TPO: variants seen among roughly 807,000 people sequenced by gnomAD.
The protein encoded by TPO is thyroid microsomal antigen.
Under a neutral mutation model 96.9 loss-of-function variants are expected in TPO, and 78 were observed. The observed-to-expected ratio is 0.81, with a 90% CI of 0.67 to 0.97. The LOEUF is 0.97. TPO is among the 50% of genes least tolerant of loss of function. The probability of loss-of-function intolerance (pLI) is 0.00; values close to 1 mark genes in which losing one functional copy is unlikely to be tolerated. For missense variants in TPO, 1,252 were observed against 1,274.8 expected (o/e 0.98, Z 0.27); for synonymous variants, 547 against 538.0 (o/e 1.02, Z -0.23).
intron 2 of TPO, among the ~76,000 whole-genome samples, chr2:1,421,707 A>C (rs1218294005): frequency 6.6e-6 from 1 of 152,244 alleles, no homozygotes; most frequent in African/African-American, 2.4e-5. Flanking sequence ...TTGTGGGAAC[A>C]GGAGGTTCCC....
chr2:1,458,950 C>A (rs549810599), intron 7 of TPO, among the ~76,000 whole-genome samples: 1 of 151,936 alleles, frequency 6.6e-6, no homozygotes, highest in Middle Eastern at 3.2e-3. Context: ...AATCTTTGTG[C>A]CCATGTGCAC....
At chr2:1,476,404 A>G (rs2138018) in intron 7 of TPO, among the ~76,000 whole-genome samples, 100,324 of 152,034 alleles carry the variant, frequency 0.66, 33,771 homozygotes, top group African/African-American at 0.8. Flanking sequence ...TGGAAAAAAT[A>G]TTTTAGATCT....
chr2:1,465,014 A>C (rs1264838679), intron 7 of TPO, among the ~76,000 whole-genome samples: 1 of 152,190 alleles, frequency 6.6e-6, no homozygotes, highest in Admixed American at 6.5e-5. Context: ...GTTATCTTCT[A>C]GAGTTTTTAT....
At chr2:1,399,776 C>G (rs1174756642) in intron 1 of TPO, among the ~76,000 whole-genome samples, 1 of 152,216 alleles carries the variant, frequency 6.6e-6, no homozygotes, top group East Asian at 1.9e-4. Flanking sequence ...ATGAATTTCT[C>G]TGAAGGACAC....
At chr2:1,480,909 C>T (rs1240418041) in intron 8 of TPO, among the ~76,000 whole-genome samples, 1 of 132,960 alleles carries the variant, frequency 7.5e-6, no homozygotes, top group Non-Finnish European at 1.7e-5. Context: ...GATCTTGGCT[C>T]CTCTAATTTC....
At chr2:1,469,395 G>C (rs999768634) in intron 7 of TPO, among the ~76,000 whole-genome samples, 1 of 152,184 alleles carries the variant, frequency 6.6e-6, no homozygotes, top group Admixed American at 6.5e-5. Context: ...GCCCCAGGGG[G>C]TGTTCCCTGG....
intron 16 of TPO, chr2:1,541,049 CCT>C: frequency 7.8e-7 from 1 of 1,284,898 alleles, no homozygotes; most frequent in South Asian, 1.5e-5. Flanking sequence ...GAAGCAAAAC[CCT>C]GACTTTTAAA....
At chr2:1,537,530 T>A (rs60161697) in intron 15 of TPO, among the ~76,000 whole-genome samples, 351 of 14,936 alleles carry the variant, frequency 0.024, 2 homozygotes, top group Admixed American at 0.028. Flanking sequence ...AACCTCCGCC[T>A]ATCCCCCCCA....
intron 7 of TPO, among the ~76,000 whole-genome samples, chr2:1,466,074 C>T (rs1668865938): frequency 6.6e-6 from 1 of 152,088 alleles, no homozygotes; most frequent in Non-Finnish European, 1.5e-5. Context: ...CCCTTGTATG[C>T]CAATTTTGCT....
chr2:1,422,392 C>CCTGGACAGACCTCG (rs1573111110), intron 2 of TPO, among the ~76,000 whole-genome samples: 1 of 151,288 alleles, frequency 6.6e-6, no homozygotes, highest in African/African-American at 2.4e-5. Context: ...AGGCGCCGCG[C>CCTGGACAGACCTCG]TGGGCCATGG....
intron 7 of TPO, among the ~76,000 whole-genome samples, chr2:1,462,833 C>T (rs973431562): frequency 2.6e-5 from 4 of 152,102 alleles, no homozygotes; most frequent in South Asian, 2.1e-4. Flanking sequence ...TTTATATCAC[C>T]AAAATACTGA....
Position 1,534,205 on chromosome 2 carries a change from C to G in TPO, c.2619-6389C>G, listed in dbSNP as rs1309307059. 1.8e-4 allele frequency among the ~76,000 whole-genome samples: 12 copies of G among 65,332 alleles called. 2 individuals are homozygous for G. Among genetic ancestry groups the G allele is most frequent in the African/African-American group, 6.5e-4 (12 of 18,472 alleles). The allele number at this position is 65,332 out of a possible 152,430, so 42.9% of individuals were successfully genotyped here. On this transcript the variant is annotated intron_variant, in intron 15 of 16. Transcript: ENST00000329066. Reference sequence around the variant, plus strand: ...CCCAAATCCCCCGTGTGCAACCCCCCAATCTCCCCCACTGTGTGCAACCTC... The same window carrying G: ...CCCAAATCCCCCGTGTGCAACCCCCGAATCTCCCCCACTGTGTGCAACCTC...
intron 1 of TPO, among the ~76,000 whole-genome samples, chr2:1,397,265 A>G (rs1210499975): frequency 1.3e-5 from 2 of 152,234 alleles, no homozygotes; most frequent in Non-Finnish European, 2.9e-5. Context: ...TTCAGAGATT[A>G]TCACTGCTTC....
At position 1,414,505 on chromosome 2, in the gene TPO, A is replaced by G; in HGVS notation, c.94+3A>G. On this transcript the variant is annotated splice_donor_region_variant and intron_variant, in intron 2 of 16. Transcript: ENST00000329066. ...GAGAGGGAAAGAACTCCTTTGGGGT[A>G]AGTAGCAAACACATTGCGGTCTTCT... 1 of 1,613,762 alleles carries G rather than the reference A, an allele frequency of 6.2e-7. No homozygotes were observed. The highest frequency in any genetic ancestry group is 8.5e-7 in the Non-Finnish European group (1 of 1,179,870).
intron 15 of TPO, among the ~76,000 whole-genome samples, chr2:1,523,615 C>T (rs1276762182): frequency 7.5e-6 from 1 of 134,066 alleles, no homozygotes; most frequent in Admixed American, 7.6e-5. Context: ...TCCTCAAATC[C>T]CCCTACTGTG....
chr2:1,473,292 A>G (rs1482262220), intron 7 of TPO, among the ~76,000 whole-genome samples: 4 of 152,102 alleles, frequency 2.6e-5, no homozygotes, highest in Non-Finnish European at 5.9e-5. Context: ...TCCCATTCAG[A>G]TGGAAAACCA....
At chr2:1,491,673 A>G (rs546715668) in intron 10 of TPO, among the ~76,000 whole-genome samples, 1 of 152,338 alleles carries the variant, frequency 6.6e-6, no homozygotes, top group Non-Finnish European at 1.5e-5. Context: ...TCTGTTTTCT[A>G]TATAAACCAA....
At chr2:1,541,639 C>T (rs1215677742) in intron 16 of TPO, 2 of 152,122 alleles carry the variant, frequency 1.3e-5, no homozygotes, top group Non-Finnish European at 2.9e-5. Flanking sequence ...CCACAGCCAC[C>T]CACTAAAATA....
chr2:1,487,863 C>T lies in TPO; in HGVS notation c.1640C>T (p.Ala547Val), dbSNP rs543659549. 6.2e-7 allele frequency: 1 copy of T among 1,614,242 alleles called. No homozygotes were observed. The highest frequency in any genetic ancestry group is 8.5e-7 in the Non-Finnish European group (1 of 1,180,042). Residue 547 changes from alanine (A) to valine (V), a missense_variant, in exon 10 of 17, where the codon GCC becomes GTC. Transcript: ENST00000329066. ...ATACGAGGCCTTCTTGCAAGACCAG[C>T]CAAACTGCAGGTGCAGGATCAGCTG... is the stretch of plus-strand genomic sequence containing the variant. ...PLIRGLLARP[A>V]KLQVQDQLMN...
Sources: gnomAD v4.1 joint callset for allele counts (sites outside exome capture counted in the v4.1 genomes callset) on GRCh38, gnomAD v4.1.1 for gene constraint, MANE v1.5 for transcripts, NCBI Gene and HGNC (gene_info 2026-07-23, HGNC 2026-07-21) for gene names.